The following CSMD1 variants were observed in gnomAD, a reference collection of about 807,000 sequenced individuals.
CSMD1 encodes the protein CUB and Sushi multiple domains 1.
A neutral mutation model predicts 417.5 loss-of-function variants in CSMD1; 213 were observed. The ratio of observed to expected loss-of-function variants is 0.51; its 90% CI spans 0.46 to 0.57. The LOEUF is 0.57. Among genes scored for constraint, CSMD1 ranks in the 20% least tolerant of loss-of-function variants. The pLI is 0.00. For missense variants in CSMD1, 6,923 were observed against 4,529.7 expected (o/e 1.53, Z -15.17); for synonymous variants, 2,862 against 1,736.8 (o/e 1.65, Z -16.11).
intron 3 of CSMD1, among the ~76,000 whole-genome samples, chr8:4,177,787 G>T (rs1798134858): frequency 6.6e-6 from 1 of 151,670 alleles, no homozygotes; most frequent in African/African-American, 2.4e-5. Context: ...TGCCATCAGA[G>T]AATACTACAA....
At chr8:3,112,499 T>G (rs894444416) in intron 42 of CSMD1, among the ~76,000 whole-genome samples, 18 of 152,322 alleles carry the variant, frequency 1.2e-4, no homozygotes, top group African/African-American at 3.8e-4. Flanking sequence ...CAGTATTATT[T>G]ATGCCACTGA....
chr8:4,703,421 C>T (rs940185420), intron 1 of CSMD1, among the ~76,000 whole-genome samples: 4 of 152,154 alleles, frequency 2.6e-5, no homozygotes, highest in South Asian at 2.1e-4. Flanking sequence ...CCTGTAATTT[C>T]GTACTTAGAA....
chr8:3,746,503 C>G (rs1797071181), intron 6 of CSMD1, among the ~76,000 whole-genome samples: 1 of 152,108 alleles, frequency 6.6e-6, no homozygotes, highest in Non-Finnish European at 1.5e-5. Flanking sequence ...AGAGACACAA[C>G]TTTAAAATAA....
intron 49 of CSMD1, among the ~76,000 whole-genome samples, chr8:3,053,955 G>A (rs11997141): frequency 0.049 from 7,513 of 152,250 alleles, 628 homozygotes; most frequent in African/African-American, 0.17. Context: ...GAGAATATCT[G>A]TGTAACAAGA....
chr8:3,025,154 CTG>C (rs1438721189), intron 51 of CSMD1, among the ~76,000 whole-genome samples: 1 of 148,496 alleles, frequency 6.7e-6, no homozygotes, highest in African/African-American at 2.5e-5. Context: ...TATTCTGAAA[CTG>C]TGTATTGTGT....
chr8:3,646,456 A>T (rs1460657177), intron 7 of CSMD1, among the ~76,000 whole-genome samples: 1 of 152,200 alleles, frequency 6.6e-6, no homozygotes, highest in African/African-American at 2.4e-5. Context: ...AATAAGGGAA[A>T]ATCGCACCTA....
chr8:4,157,922 G>A (rs557417800), intron 3 of CSMD1, among the ~76,000 whole-genome samples: 5 of 152,126 alleles, frequency 3.3e-5, no homozygotes, highest in African/African-American at 7.2e-5. Flanking sequence ...TGTCCCTGAG[G>A]TTAAGCAAGC....
intron 9 of CSMD1, among the ~76,000 whole-genome samples, chr8:3,582,928 T>C (rs932067662): frequency 6.6e-6 from 1 of 152,196 alleles, no homozygotes; most frequent in Non-Finnish European, 1.5e-5. Flanking sequence ...GGTGCTCCTG[T>C]GAAGGGATTT....
chr8:4,143,362 G>A lies in CSMD1; in HGVS notation c.416-111263C>T, dbSNP rs557368586. Among the ~76,000 whole-genome samples, 141 of 106,600 alleles carry A rather than the reference G, an allele frequency of 1.3e-3. 3 individuals carry two copies. The Middle Eastern group carries it at 0.023, about 17-fold the overall frequency. 69.9% of individuals were successfully genotyped at this position (106,600 alleles called of 152,430 possible). ...TCATGGGCTGCTGAAATATAATGAC[G>A]TCTTATCCCTTTTTTTTTTTTTTTT... On this transcript the variant is annotated intron_variant, in intron 3 of 69. Transcript: ENST00000635120.
intron 26 of CSMD1, among the ~76,000 whole-genome samples, chr8:3,245,798 A>G (rs1799844330): frequency 6.6e-6 from 1 of 152,192 alleles, no homozygotes; most frequent in Non-Finnish European, 1.5e-5. Flanking sequence ...CCCTCTTGCT[A>G]GGGGACTAGT....
intron 1 of CSMD1, among the ~76,000 whole-genome samples, chr8:4,648,010 G>C (rs908610941): frequency 6.6e-6 from 1 of 152,154 alleles, no homozygotes; most frequent in Non-Finnish European, 1.5e-5. Flanking sequence ...CTCAGTTGTT[G>C]AACTAATTTC....
At position 3,000,020 on chromosome 8, in the gene CSMD1, C is replaced by T. The variant is rs1807258383; in HGVS notation, c.8141G>A (p.Gly2714Glu). ...TTGCAGGCATATCCTCACGGAAGTT[C>T]CCACAAGCCGGAAACCAGGATTGCA... Reference protein sequence around the residue: ...YQCNPGFRLVGTSVRICLQDH... With the variant: ...YQCNPGFRLVETSVRICLQDH... Residue 2714 changes from glycine to glutamate, a missense_variant, in exon 53 of 70, where the codon GGA (glycine) becomes GAA (glutamate). Transcript: ENST00000635120. 2.5e-6 allele frequency: 4 copies of T among 1,607,354 alleles called. No homozygotes were observed. Among genetic ancestry groups the T allele is most frequent in the Non-Finnish European group, 3.4e-6 (4 of 1,178,752 alleles).
At chr8:3,157,464 G>C (rs1361131267) in intron 39 of CSMD1, among the ~76,000 whole-genome samples, 4 of 152,168 alleles carry the variant, frequency 2.6e-5, no homozygotes, top group Admixed American at 2.0e-4. Context: ...TTTCCAACAT[G>C]AAATACTCCA....
intron 47 of CSMD1, among the ~76,000 whole-genome samples, chr8:3,096,026 A>G (rs1366346502): frequency 6.6e-6 from 1 of 152,182 alleles, no homozygotes; most frequent in Admixed American, 6.5e-5. Flanking sequence ...ACATATTTCC[A>G]GTAAAATAAT....
At chr8:3,571,409 A>G (rs1360603767) in intron 10 of CSMD1, among the ~76,000 whole-genome samples, 1 of 152,152 alleles carries the variant, frequency 6.6e-6, no homozygotes, top group Non-Finnish European at 1.5e-5. Context: ...GAGAACATAT[A>G]TTGTTCTGAA....
chr8:3,244,665 T>C (rs1799764330), intron 26 of CSMD1, among the ~76,000 whole-genome samples: 1 of 152,186 alleles, frequency 6.6e-6, no homozygotes, highest in Admixed American at 6.5e-5. Flanking sequence ...CAGCCTTGAA[T>C]GTGGCTGACA....
At chr8:3,699,308 A>C (rs1800720754) in intron 7 of CSMD1, among the ~76,000 whole-genome samples, 1 of 152,234 alleles carries the variant, frequency 6.6e-6, no homozygotes, top group South Asian at 2.1e-4. Flanking sequence ...CCTTCCATGC[A>C]GTGGATATCA....
At chr8:3,080,077 A>C (rs561778322) in intron 49 of CSMD1, among the ~76,000 whole-genome samples, 2 of 152,318 alleles carry the variant, frequency 1.3e-5, no homozygotes, top group Non-Finnish European at 2.9e-5. Context: ...GCAAATCATA[A>C]ATAAACAATA....
chr8:3,434,783 A>G (rs1814440568), intron 12 of CSMD1, among the ~76,000 whole-genome samples: 1 of 152,222 alleles, frequency 6.6e-6, no homozygotes, highest in South Asian at 2.1e-4. Context: ...ATCTCCTGGA[A>G]CAGACAGTTC....
Sources: gnomAD v4.1 joint callset for allele counts (sites outside exome capture counted in the v4.1 genomes callset) on GRCh38, gnomAD v4.1.1 for gene constraint, MANE v1.5 for transcripts, NCBI Gene and HGNC (gene_info 2026-07-23, HGNC 2026-07-21) for gene names.